FBXO34: variants seen among roughly 807,000 people sequenced by gnomAD.
FBXO34 encodes F-box protein 34, also known as F-box only protein 34.
In FBXO34, 12 loss-of-function variants were observed where a neutral mutation model predicts 24.5. The observed-to-expected ratio is 0.49, with a 90% CI of 0.31 to 0.79. FBXO34 has a LOEUF of 0.79. Among genes scored for constraint, FBXO34 ranks in the 30% least tolerant of loss-of-function variants. The pLI is 0.04. For synonymous variants in FBXO34, 320 were observed against 311.9 expected (o/e 1.03, Z -0.27); for missense variants, 823 against 857.7 (o/e 0.96, Z 0.51).
In FBXO34 at chr14:55,350,896, A is replaced by AGG; in HGVS notation, c.507_508dup (p.Val170GlyfsTer24). ...AAGGTACAGGTGGAAAGGATGAGGGAGGTTAACAGCAGGTGCTACCAACCT... is the reference window on the plus strand; with the variant it reads ...AAGGTACAGGTGGAAAGGATGAGGGAGGGGTTAACAGCAGGTGCTACCAACCT... On this transcript the variant is annotated frameshift_variant, in exon 2 of 2. Transcript: ENST00000313833. LOFTEE classifies it low-confidence loss of function (END_TRUNC). The AGG allele has an allele frequency of 6.2e-7, 1 of 1,613,616 alleles. No individual in the cohort carries two copies. Among genetic ancestry groups the AGG allele is most frequent in the Non-Finnish European group, 8.5e-7 (1 of 1,179,756 alleles).
At chr14:55,375,592 C>T in the FBXO34 span, among the ~76,000 whole-genome samples, 3 of 150,324 alleles carry the variant, frequency 2.0e-5, no homozygotes, top group African/African-American at 2.4e-5. Flanking sequence ...GATCCTCCCA[C>T]TTCAGCCTCC....
intron 1 of FBXO34, among the ~76,000 whole-genome samples, chr14:55,339,687 C>A (rs183090379): frequency 6.6e-6 from 1 of 152,276 alleles, no homozygotes; most frequent in South Asian, 2.1e-4. Flanking sequence ...TTGGAATGCT[C>A]ATTTTTAACC....
intron 1 of FBXO34, among the ~76,000 whole-genome samples, chr14:55,342,288 A>G (rs1341250021): frequency 6.6e-6 from 1 of 152,146 alleles, no homozygotes; most frequent in Non-Finnish European, 1.5e-5. Flanking sequence ...AAAACCATAC[A>G]TGTGTTTCCA....
chr14:55,439,617 C>CCCCCCCCCCGG, the FBXO34 span, among the ~76,000 whole-genome samples: 2 of 72,628 alleles, frequency 2.8e-5, 1 homozygote, highest in Non-Finnish European at 5.9e-5. Context: ...AAAGCAAACC[C>CCCCCCCCCCGG]CCCCCCGTCT....
chr14:55,319,719 A>G (rs1473077427), intron 1 of FBXO34, among the ~76,000 whole-genome samples: 1 of 152,214 alleles, frequency 6.6e-6, no homozygotes, highest in Non-Finnish European at 1.5e-5. Context: ...CTCTGTCGCC[A>G]GGCTGGAGTG....
Position 55,351,585 on chromosome 14 carries a change from A to C in FBXO34, c.1195A>C (p.Asn399His), listed in dbSNP as rs745315303. ...GCCGGGTTCGCAAACTGCCGTGAAA[A>C]ACAGCAACAGATATGATGTGGAAAT... ...LEPGSQTAVKNSNRYDVEMTD... is the reference protein window; with the variant it reads ...LEPGSQTAVKHSNRYDVEMTD... Residue 399 changes from asparagine to histidine, a missense_variant, in exon 2 of 2, where the codon AAC becomes CAC. Asn to His is a moderately conservative substitution (Grantham distance 68). Around this residue, in one of 2 missense-constraint regions of FBXO34, gnomAD observed 693 missense variants for 659.1 expected, o/e 1.05. Coordinates refer to ENST00000313833, the MANE Select transcript of FBXO34 (RefSeq NM_017943.4). The C allele has an allele frequency of 1.2e-5, 20 of 1,614,064 alleles. No homozygotes were observed. The highest frequency in any genetic ancestry group is 1.7e-5 in the Non-Finnish European group (20 of 1,180,034).
Position 55,351,845 on chromosome 14 carries a change from G to T in FBXO34, c.1455G>T (p.Leu485Phe). 6.2e-7 allele frequency: 1 copy of T among 1,613,752 alleles called. No individual in the cohort carries two copies. The highest frequency in any genetic ancestry group is 8.5e-7 in the Non-Finnish European group (1 of 1,179,914). Residue 485 changes from leucine to phenylalanine, a missense_variant, in exon 2 of 2, where the codon TTG becomes TTT. By Grantham distance (22) the Leu-to-Phe change is conservative (BLOSUM62 0). Coordinates refer to ENST00000313833, the MANE Select transcript of FBXO34 (RefSeq NM_017943.4). ...EDPVPGMLFF[L>F]PPGQHLSDYS... ...CAGTTCCAGGGATGTTGTTTTTTTT[G>T]CCACCTGGTCAGCACTTGTCAGACT...
At chr14:55,435,316 C>T in the FBXO34 span, among the ~76,000 whole-genome samples, 15 of 148,604 alleles carry the variant, frequency 1.0e-4, no homozygotes, top group African/African-American at 2.8e-4. Flanking sequence ...CTCGCTGTTA[C>T]CCAGGCTGGA....
chr14:55,408,117 G>A, the FBXO34 span, among the ~76,000 whole-genome samples: 1 of 152,114 alleles, frequency 6.6e-6, no homozygotes, highest in Non-Finnish European at 1.5e-5. Flanking sequence ...TATGAAGTTA[G>A]ATACCCTGCC....
At chr14:55,385,432 A>G in the FBXO34 span, among the ~76,000 whole-genome samples, 1 of 152,310 alleles carries the variant, frequency 6.6e-6, no homozygotes. Context: ...AGCTGGGACT[A>G]CAGGCACGCG....
At chr14:55,359,110 G>GGC (rs1884558826) in intron 3 of FBXO34, among the ~76,000 whole-genome samples, 1 of 152,088 alleles carries the variant, frequency 6.6e-6, no homozygotes, top group African/African-American at 2.4e-5. Flanking sequence ...GAAGGGGAGG[G>GGC]AGTGGACCTA....
At chr14:55,393,152 T>C in the FBXO34 span, among the ~76,000 whole-genome samples, 55 of 152,130 alleles carry the variant, frequency 3.6e-4, no homozygotes, top group South Asian at 1.9e-3. Context: ...GAGGCCAAGG[T>C]GGGCGGATCA....
chr14:55,323,232 T>TA (rs1262954794), intron 1 of FBXO34, among the ~76,000 whole-genome samples: 11,318 of 94,628 alleles, frequency 0.12, 2,335 homozygotes, highest in Non-Finnish European at 0.15. Context: ...TATATTTTTT[T>TA]TTTTTTTTTT....
chr14:55,329,698 C>G (rs1462439545), intron 1 of FBXO34, among the ~76,000 whole-genome samples: 3 of 151,728 alleles, frequency 2.0e-5, no homozygotes, highest in African/African-American at 7.3e-5. Context: ...GCTTGAAGTC[C>G]TTTTTTTTAA....
intron 1 of FBXO34, among the ~76,000 whole-genome samples, chr14:55,294,719 C>A (rs889554072): frequency 6.6e-6 from 1 of 152,112 alleles, no homozygotes; most frequent in Non-Finnish European, 1.5e-5. Flanking sequence ...TACACCGGGG[C>A]AAACACAGCT....
At chr14:55,398,315 TTTTG>T in the FBXO34 span, among the ~76,000 whole-genome samples, 1 of 152,092 alleles carries the variant, frequency 6.6e-6, no homozygotes, top group Non-Finnish European at 1.5e-5. Flanking sequence ...TACTTGGGTT[TTTTG>T]TTTTTGTTTT....
chr14:55,286,136 A>G (rs1039689072), intron 1 of FBXO34, among the ~76,000 whole-genome samples: 1 of 152,170 alleles, frequency 6.6e-6, no homozygotes, highest in African/African-American at 2.4e-5. Flanking sequence ...GAGAAAATTA[A>G]TCTCTACCTC....
At chr14:55,438,635 C>T in the FBXO34 span, among the ~76,000 whole-genome samples, 13 of 152,134 alleles carry the variant, frequency 8.5e-5, no homozygotes, top group Admixed American at 2.6e-4. Flanking sequence ...AAGGCAATGG[C>T]GAGGATTTGA....
At chr14:55,370,758 A>G (rs1202208345), downstream of FBXO34, among the ~76,000 whole-genome samples, 3 of 151,512 alleles carry the variant, frequency 2.0e-5, no homozygotes, top group African/African-American at 7.3e-5. Flanking sequence ...CTCCTGCCTC[A>G]ACCTCCTGAG....
Sources: gnomAD v4.1 joint callset for allele counts (sites outside exome capture counted in the v4.1 genomes callset) on GRCh38, gnomAD v4.1.1 for gene constraint, gnomAD v4.1.1 regional missense constraint, MANE v1.5 for transcripts, NCBI Gene and HGNC (gene_info 2026-07-23, HGNC 2026-07-21) for gene names.